ZC3H12B: variants seen among roughly 807,000 people sequenced by gnomAD.
The protein encoded by ZC3H12B is zinc finger CCCH-type containing 12B.
In ZC3H12B, 7 loss-of-function variants were observed where a neutral mutation model predicts 43.9. The ratio of observed to expected loss-of-function variants is 0.16; its 90% CI spans 0.09 to 0.30. ZC3H12B has a LOEUF of 0.30. Ranked by LOEUF, ZC3H12B falls within the 10% of genes least tolerant of loss-of-function variation. ZC3H12B has a pLI of 1.00. For synonymous variants in ZC3H12B, 222 were observed against 241.7 expected (o/e 0.92, Z 0.76); for missense variants, 475 against 670.2 (o/e 0.71, Z 3.22).
At chrX:65,135,673 C>T in the ZC3H12B span, among the ~76,000 whole-genome samples, 1 of 105,654 alleles carries the variant, frequency 9.5e-6, no homozygotes, top group Non-Finnish European at 1.9e-5. Context: ...CCTTTTGGGA[C>T]TTCAGTTATA....
the ZC3H12B span, among the ~76,000 whole-genome samples, chrX:65,177,370 G>A: frequency 8.9e-6 from 1 of 111,899 alleles, no homozygotes; most frequent in South Asian, 3.7e-4. Flanking sequence ...ACAGGCAAAA[G>A]ACAAGTGTAC....
intron 2 of ZC3H12B, among the ~76,000 whole-genome samples, chrX:65,384,588 A>G (rs2066494965): frequency 8.9e-6 from 1 of 111,791 alleles, no homozygotes; most frequent in Admixed American, 9.5e-5. Flanking sequence ...TGGTTAATAA[A>G]CTATTGCTAT....
chrX:65,126,778 A>C, the ZC3H12B span, among the ~76,000 whole-genome samples: 1 of 105,324 alleles, frequency 9.5e-6, no homozygotes, highest in Admixed American at 1.0e-4. Context: ...TGCTTGTTCA[A>C]TTCTATTGCT....
At chrX:65,268,418 A>G in the ZC3H12B span, among the ~76,000 whole-genome samples, 1 of 112,210 alleles carries the variant, frequency 8.9e-6, no homozygotes, top group Non-Finnish European at 1.9e-5. Context: ...TTATGAGGCC[A>G]ACATCACCTT....
chrX:65,288,326 G>A, the ZC3H12B span, among the ~76,000 whole-genome samples: 1 of 110,803 alleles, frequency 9.0e-6, no homozygotes, highest in Admixed American at 9.7e-5. Flanking sequence ...ATTACCCTGA[G>A]GCAAAAACCA....
the ZC3H12B span, among the ~76,000 whole-genome samples, chrX:65,089,073 A>G: frequency 2.7e-5 from 3 of 111,941 alleles, no homozygotes; most frequent in African/African-American, 9.7e-5. Context: ...TTTCATGATC[A>G]TAGTTATTTC....
At chrX:65,282,472 G>A in the ZC3H12B span, among the ~76,000 whole-genome samples, 1 of 111,297 alleles carries the variant, frequency 9.0e-6, no homozygotes, top group Non-Finnish European at 1.9e-5. Context: ...AAGTCAAAAA[G>A]GAAGAAGTAA....
the ZC3H12B span, among the ~76,000 whole-genome samples, chrX:65,347,934 G>A: frequency 8.9e-6 from 1 of 112,237 alleles, no homozygotes; most frequent in East Asian, 2.8e-4. Flanking sequence ...CATGTCCTTT[G>A]TAGGGACATG....
At chrX:65,150,215 A>C in the ZC3H12B span, among the ~76,000 whole-genome samples, 19 of 110,978 alleles carry the variant, frequency 1.7e-4, no homozygotes, top group Non-Finnish European at 3.6e-4. Flanking sequence ...CTGAACATAA[A>C]GGTGGCAGGA....
In ZC3H12B at chrX:65,366,915, C is replaced by T. The variant is rs1211612246; in HGVS notation, n.125+153C>T. The stretch of plus-strand genomic sequence containing the variant: ...AATAGCTACTATTCAGTGATGAGTA[C>T]ATAATGAAAAACTTGGAAGATCAGG... On this transcript the variant is annotated intron_variant and non_coding_transcript_variant, in intron 1 of 5. Transcript: ENST00000617377. Among the ~76,000 whole-genome samples, 21 of 112,360 alleles carry T rather than the reference C, an allele frequency of 1.9e-4. No homozygotes were observed. In the Admixed American group the frequency reaches 2.0e-3, roughly 11 times the overall value.
the ZC3H12B span, among the ~76,000 whole-genome samples, chrX:65,235,726 G>A: frequency 0.013 from 1,495 of 111,844 alleles, 21 homozygotes; most frequent in African/African-American, 0.046. Flanking sequence ...CAGCAATCAC[G>A]GTGCTTCAAG....
At chrX:65,462,731 G>A (rs1308468484) in intron 3 of ZC3H12B, among the ~76,000 whole-genome samples, 1 of 111,056 alleles carries the variant, frequency 9.0e-6, no homozygotes, top group African/African-American at 3.3e-5. Flanking sequence ...AACTTAAAAT[G>A]GAACTACCAT....
chrX:65,441,168 T>C (rs1195337552), intron 3 of ZC3H12B, among the ~76,000 whole-genome samples: 1 of 112,040 alleles, frequency 8.9e-6, no homozygotes, highest in Non-Finnish European at 1.9e-5. Context: ...CCCATTGCGG[T>C]AATAAATCTC....
intron 3 of ZC3H12B, among the ~76,000 whole-genome samples, chrX:65,423,873 G>A (rs191566952): frequency 6.8e-4 from 76 of 111,513 alleles, no homozygotes; most frequent in African/African-American, 2.2e-3. Flanking sequence ...CCCATTTGTC[G>A]ATTCTGGCTT....
chrX:65,435,213 C>T (rs1436585233), intron 3 of ZC3H12B, among the ~76,000 whole-genome samples: 1 of 111,882 alleles, frequency 8.9e-6, no homozygotes, highest in African/African-American at 3.2e-5. Flanking sequence ...CACCTAGAAG[C>T]TGTTAGATTA....
chrX:65,403,217 G>A (rs917960451), intron 3 of ZC3H12B, among the ~76,000 whole-genome samples: 3 of 112,115 alleles, frequency 2.7e-5, no homozygotes, highest in African/African-American at 9.7e-5. Context: ...CTTAATAGCA[G>A]AATTGATCAA....
At chrX:65,418,401 A>C (rs2066983933) in intron 3 of ZC3H12B, among the ~76,000 whole-genome samples, 1 of 111,833 alleles carries the variant, frequency 8.9e-6, no homozygotes, top group African/African-American at 3.2e-5. Context: ...TTAAATGAGT[A>C]TTCTTGAGCT....
intron 3 of ZC3H12B, among the ~76,000 whole-genome samples, chrX:65,467,789 G>A (rs957229099): frequency 1.4e-4 from 16 of 111,937 alleles, no homozygotes; most frequent in Admixed American, 7.6e-4. Context: ...CCCACTTTTT[G>A]ATGGCATTGT....
the ZC3H12B span, among the ~76,000 whole-genome samples, chrX:65,045,142 T>C: frequency 9.0e-6 from 1 of 111,713 alleles, no homozygotes; most frequent in Non-Finnish European, 1.9e-5. Context: ...GGAGGATTTT[T>C]CCTTGATGTA....
Sources: gnomAD v4.1 joint callset for allele counts (sites outside exome capture counted in the v4.1 genomes callset) on GRCh38, gnomAD v4.1.1 for gene constraint, MANE v1.5 for transcripts, NCBI Gene and HGNC (gene_info 2026-07-23, HGNC 2026-07-21) for gene names.